Variants in GPHN observed in about 807,000 individuals in gnomAD.
GPHN encodes the protein gephyrin.
In GPHN, 17 loss-of-function variants were observed where a neutral mutation model predicts 95.5. That is an observed-to-expected ratio of 0.18 (90% CI 0.12 to 0.27). The LOEUF (loss-of-function observed/expected upper bound fraction) is 0.27, where lower values mean the gene tolerates loss of function less well. Ranked by LOEUF, GPHN falls within the 10% of genes least tolerant of loss-of-function variation. The probability of loss-of-function intolerance (pLI) is 1.00; values close to 1 mark genes in which losing one functional copy is unlikely to be tolerated. For synonymous variants in GPHN, 320 were observed against 322.5 expected (o/e 0.99, Z 0.08); for missense variants, 660 against 978.1 (o/e 0.67, Z 4.34).
the GPHN span, chr14:67,563,003 T>C: frequency 8.8e-7 from 1 of 1,142,210 alleles, no homozygotes; most frequent in Non-Finnish European, 1.2e-6. Context: ...GGCATCCTCA[T>C]GGTGGCCCTG....
Position 66,580,024 on chromosome 14 carries a change from T to A in GPHN, c.64+71433T>A, listed in dbSNP as rs925881032. ...AGGATTTAAGTGATATCAAGTATCTTTTTTAACCACAGTGGTATGAAATTA... is the reference window on the plus strand; with the variant it reads ...AGGATTTAAGTGATATCAAGTATCTATTTTAACCACAGTGGTATGAAATTA... On this transcript the variant is annotated intron_variant, in intron 1 of 22. Transcript: ENST00000478722. 5.7e-4 allele frequency among the ~76,000 whole-genome samples: 86 copies of A among 151,852 alleles called. 1 individual carries two copies. Among genetic ancestry groups the A allele is most frequent in the African/African-American group, 2.0e-3 (84 of 41,422 alleles).
chr14:66,705,343 C>A (rs2068975362), intron 2 of GPHN, among the ~76,000 whole-genome samples: 1 of 120,194 alleles, frequency 8.3e-6, no homozygotes, highest in East Asian at 2.6e-4. Flanking sequence ...GATACCAAAA[C>A]CGGGAAGAGA....
chr14:66,812,979 G>GGTTATACAGTATCAATTTAATA (rs1297952589), intron 3 of GPHN, among the ~76,000 whole-genome samples: 3 of 152,054 alleles, frequency 2.0e-5, no homozygotes. Flanking sequence ...ATTTTTTATG[G>GGTTATACAGTATCAATTTAATA]GTTATACAGT....
intron 3 of GPHN, among the ~76,000 whole-genome samples, chr14:66,783,013 C>T (rs1391292556): frequency 6.6e-6 from 1 of 152,142 alleles, no homozygotes; most frequent in Non-Finnish European, 1.5e-5. Flanking sequence ...TGAAGAAAGC[C>T]TTCAACCTGG....
chr14:67,439,589 C>CTTT, the GPHN span, among the ~76,000 whole-genome samples: 2 of 123,588 alleles, frequency 1.6e-5, no homozygotes, highest in African/African-American at 3.7e-5. Context: ...TTCTTTCTTT[C>CTTT]TTTCTTCTTT....
intron 9 of GPHN, among the ~76,000 whole-genome samples, chr14:66,996,478 A>G (rs1347115810): frequency 2.6e-5 from 4 of 152,126 alleles, no homozygotes; most frequent in Admixed American, 6.6e-5. Flanking sequence ...CAGATAGCCA[A>G]CTTGATTGCT....
At chr14:66,742,958 G>C (rs935896596) in intron 2 of GPHN, among the ~76,000 whole-genome samples, 5 of 151,464 alleles carry the variant, frequency 3.3e-5, no homozygotes, top group Non-Finnish European at 5.9e-5. Context: ...TAGAGACGGG[G>C]TTTCACCATG....
Position 66,922,722 on chromosome 14 carries a change from T to C in GPHN, c.513T>C (p.Asp171=), listed in dbSNP as rs1254982892. The change falls in exon 7 of 23, where the codon GAT becomes GAC. Residue 171 remains aspartate, a synonymous_variant. Transcript: ENST00000478722. ...CTCATGCCATTGACCTTTTACGTGA[T>C]GCCATTGTAAAAGTAAAGGAGGTGC... ...ALPHAIDLLR[D]AIVKVKEVHD... 2.5e-6 allele frequency: 4 copies of C among 1,613,026 alleles called. No homozygotes were observed. The highest frequency in any genetic ancestry group is 2.2e-5 in the South Asian group (2 of 91,062).
chr14:67,016,349 T>A (rs73276906), intron 9 of GPHN, among the ~76,000 whole-genome samples: 1,744 of 152,180 alleles, frequency 0.011, 34 homozygotes, highest in African/African-American at 0.039. Context: ...TGCCTATTTT[T>A]AAATGCATTA....
At chr14:66,773,764 C>T (rs1240977433) in intron 2 of GPHN, among the ~76,000 whole-genome samples, 3 of 152,064 alleles carry the variant, frequency 2.0e-5, no homozygotes, top group African/African-American at 7.2e-5. Flanking sequence ...AAGAAGTGGA[C>T]TCTCACTGTG....
chr14:66,822,692 A>G (rs1237484499), intron 3 of GPHN, among the ~76,000 whole-genome samples: 1 of 152,210 alleles, frequency 6.6e-6, no homozygotes, highest in African/African-American at 2.4e-5. Flanking sequence ...TTAGCATCTT[A>G]AAATTTGAAA....
At chr14:67,588,662 G>T in the GPHN span, 4 of 152,238 alleles carry the variant, frequency 2.6e-5, no homozygotes, top group Non-Finnish European at 5.9e-5. Flanking sequence ...CCAACATCTA[G>T]GAAACTGAGT....
chr14:66,572,934 A>G (rs949380113), intron 1 of GPHN, among the ~76,000 whole-genome samples: 2 of 152,160 alleles, frequency 1.3e-5, no homozygotes, highest in African/African-American at 4.8e-5. Flanking sequence ...GCATCCTTTT[A>G]TAACGCATTG....
the GPHN span, among the ~76,000 whole-genome samples, chr14:67,671,369 T>C: frequency 2.6e-5 from 4 of 151,862 alleles, no homozygotes; most frequent in South Asian, 2.1e-4. Flanking sequence ...CTACTAAAAA[T>C]ACAAAAATTG....
chr14:66,932,320 C>T (rs1399345708), intron 8 of GPHN, among the ~76,000 whole-genome samples: 1 of 152,040 alleles, frequency 6.6e-6, no homozygotes, highest in Non-Finnish European at 1.5e-5. Context: ...TGGGTCACTC[C>T]TAAAACCAGC....
intron 2 of GPHN, among the ~76,000 whole-genome samples, chr14:66,719,571 C>T (rs1053477907): frequency 6.6e-6 from 1 of 152,048 alleles, no homozygotes; most frequent in Non-Finnish European, 1.5e-5. Context: ...TTCCTGCAGT[C>T]GTTCTGTAGC....
At chr14:67,305,177 A>G in the GPHN span, among the ~76,000 whole-genome samples, 1 of 152,238 alleles carries the variant, frequency 6.6e-6, no homozygotes, top group African/African-American at 2.4e-5. Flanking sequence ...AACTGAGGAA[A>G]CATAACAGAG....
At chr14:66,943,849 C>G (rs2067572545) in intron 8 of GPHN, among the ~76,000 whole-genome samples, 1 of 152,158 alleles carries the variant, frequency 6.6e-6, no homozygotes, top group Non-Finnish European at 1.5e-5. Flanking sequence ...CTTTAAGAGA[C>G]AGGGCTAGGA....
chr14:67,228,285 T>C, the GPHN span: 1 of 273,516 alleles, frequency 3.7e-6, no homozygotes, highest in Admixed American at 6.5e-5. Context: ...AAAGTTGTAG[T>C]ATAAATATAA....
Sources: gnomAD v4.1 joint callset for allele counts (sites outside exome capture counted in the v4.1 genomes callset) on GRCh38, gnomAD v4.1.1 for gene constraint, MANE v1.5 for transcripts, NCBI Gene and HGNC (gene_info 2026-07-23, HGNC 2026-07-21) for gene names.